Variants in LRCH2 observed in about 807,000 individuals in gnomAD.
The protein encoded by LRCH2 is leucine rich repeats and calponin homology domain containing 2.
A neutral mutation model predicts 68.9 loss-of-function variants in LRCH2; 38 were observed. The ratio of observed to expected loss-of-function variants is 0.55; its 90% CI spans 0.43 to 0.72. LRCH2 has a LOEUF of 0.72. Ranked by LOEUF, LRCH2 falls within the 30% of genes least tolerant of loss-of-function variation. The pLI is 0.00. For missense variants in LRCH2, 528 were observed against 572.9 expected (o/e 0.92, Z 0.80); for synonymous variants, 191 against 208.1 (o/e 0.92, Z 0.71).
intron 1 of LRCH2, among the ~76,000 whole-genome samples, chrX:115,224,335 T>C (rs1336816231): frequency 4.5e-5 from 5 of 111,187 alleles, no homozygotes; most frequent in Admixed American, 9.6e-5. Flanking sequence ...CAATCAACAA[T>C]ATACTTTAAA....
At chrX:115,169,594 C>A (rs1286349740) in intron 6 of LRCH2, among the ~76,000 whole-genome samples, 2 of 111,309 alleles carry the variant, frequency 1.8e-5, no homozygotes, top group Non-Finnish European at 3.8e-5. Context: ...CCATTCAAAG[C>A]AATATAAAAT....
At chrX:115,165,277 T>C (rs1379459184) in intron 10 of LRCH2, 128 bp downstream of exon 10, 1 of 451,886 alleles carries the variant, frequency 2.2e-6, no homozygotes, top group Non-Finnish European at 3.7e-6. Context: ...TATTTATAAA[T>C]TAACTATCTA....
At chrX:115,202,730 C>T (rs1401740045) in intron 1 of LRCH2, among the ~76,000 whole-genome samples, 1 of 111,747 alleles carries the variant, frequency 8.9e-6, no homozygotes, top group Non-Finnish European at 1.9e-5. Context: ...ATGCATCTTT[C>T]AATAGGTTAA....
rs782460142 is a variant in LRCH2, at chrX:115,192,221, G to A, written c.350-3851C>T. ...CGCTCGCCCAATGCCTACGGCGGGGGCCGCGGCCTCAACAGTTCCAACAAC... is the reference window on the plus strand; with the variant it reads ...CGCTCGCCCAATGCCTACGGCGGGGACCGCGGCCTCAACAGTTCCAACAAC... On this transcript the variant is annotated intron_variant, in intron 1 of 20. Coordinates refer to ENST00000317135, the MANE Select transcript of LRCH2 (RefSeq NM_020871.4). 8.4e-5 allele frequency: 98 copies of A among 1,162,233 alleles called. No individual in the cohort carries two copies. In the South Asian group the frequency reaches 1.6e-3, roughly 19 times the overall value.
chrX:115,186,042 AATCAATTTATTTTCTTCCCTTAAAAAGC>A (rs2072728649), intron 2 of LRCH2, among the ~76,000 whole-genome samples: 1 of 112,433 alleles, frequency 8.9e-6, no homozygotes, highest in Non-Finnish European at 1.9e-5. Context: ...ATAGCTTAAA[AATCAATTTATTTTCTTCCCTTAAAAAGC>A]ATATTCAGGC....
chrX:115,209,366 C>T (rs1050183859), intron 1 of LRCH2, among the ~76,000 whole-genome samples: 2 of 111,702 alleles, frequency 1.8e-5, no homozygotes, highest in African/African-American at 6.5e-5. Flanking sequence ...CCATGCTTTT[C>T]TCATGATAGT....
chrX:115,126,728 TA>T (rs1369170819), intron 16 of LRCH2, 114 bp downstream of exon 16: 3 of 509,254 alleles, frequency 5.9e-6, no homozygotes, highest in Non-Finnish European at 9.2e-6. Flanking sequence ...TATGAGTGAA[TA>T]AATTATATTG....
chrX:115,210,725 C>G (rs2073001294), intron 1 of LRCH2, among the ~76,000 whole-genome samples: 1 of 111,430 alleles, frequency 9.0e-6, no homozygotes, highest in African/African-American at 3.3e-5. Context: ...TCAGTGCCAG[C>G]TTATGAAAGC....
intron 15 of LRCH2, among the ~76,000 whole-genome samples, chrX:115,127,713 G>A (rs1377485616): frequency 4.5e-5 from 5 of 111,206 alleles, no homozygotes; most frequent in African/African-American, 1.6e-4. Context: ...AAAAAACTGA[G>A]TGTCTACCAG....
intron 3 of LRCH2, among the ~76,000 whole-genome samples, chrX:115,181,944 T>C (rs1446182093): frequency 2.7e-5 from 3 of 111,761 alleles, no homozygotes; most frequent in African/African-American, 6.5e-5. Context: ...ATATTAACTT[T>C]TTTTTCTTGT....
intron 14 of LRCH2, among the ~76,000 whole-genome samples, chrX:115,143,235 C>T (rs1179111287): frequency 9.0e-6 from 1 of 111,133 alleles, no homozygotes; most frequent in Non-Finnish European, 1.9e-5. Context: ...ATTGACAAAC[C>T]TTTAGTCAGA....
At chrX:115,202,597 A>T (rs1351314110) in intron 1 of LRCH2, among the ~76,000 whole-genome samples, 3 of 112,432 alleles carry the variant, frequency 2.7e-5, no homozygotes, top group Admixed American at 9.4e-5. Context: ...TATGGTCTTA[A>T]TTCAGCAATT....
At chrX:115,218,529 G>A (rs2073056844) in intron 1 of LRCH2, among the ~76,000 whole-genome samples, 1 of 112,596 alleles carries the variant, frequency 8.9e-6, no homozygotes, top group Non-Finnish European at 1.9e-5. Flanking sequence ...TCAGACTTTT[G>A]CATAGGCGTA....
intron 1 of LRCH2, among the ~76,000 whole-genome samples, chrX:115,196,498 C>A (rs2072888541): frequency 9.0e-6 from 1 of 111,438 alleles, no homozygotes; most frequent in African/African-American, 3.3e-5. Context: ...ACCCTCCTAA[C>A]CCTATGCCAA....
intron 14 of LRCH2, among the ~76,000 whole-genome samples, chrX:115,146,729 C>T (rs2072385712): frequency 9.1e-6 from 1 of 109,808 alleles, no homozygotes; most frequent in Admixed American, 9.8e-5. Context: ...GTCAATGTAA[C>T]TTTCCTACCA....
At chrX:115,140,672 G>A (rs1291920041) in intron 14 of LRCH2, among the ~76,000 whole-genome samples, 5 of 110,965 alleles carry the variant, frequency 4.5e-5, no homozygotes, top group Non-Finnish European at 7.5e-5. Flanking sequence ...AGAGCCCTTG[G>A]GCTTTAACAG....
intron 1 of LRCH2, chrX:115,190,531 A>G (rs1556557380): frequency 1.7e-6 from 2 of 1,157,570 alleles, no homozygotes; most frequent in Non-Finnish European, 1.2e-6. Context: ...CCACTCGCCC[A>G]AAGCCTATAG....
At chrX:115,123,349 T>C (rs186761579) in intron 17 of LRCH2, among the ~76,000 whole-genome samples, 157 bp from the exon 18 acceptor site, 1 of 112,225 alleles carries the variant, frequency 8.9e-6, no homozygotes, top group East Asian at 2.8e-4. Context: ...TTGAACTCTA[T>C]TTATGTGCAT....
intron 20 of LRCH2, among the ~76,000 whole-genome samples, chrX:115,121,534 C>T (rs1556526026): frequency 2.7e-5 from 3 of 111,242 alleles, no homozygotes; most frequent in African/African-American, 9.8e-5. Context: ...GCCTGTAGTC[C>T]CAGCTACTTG....
Sources: allele counts gnomAD v4.1 joint callset (sites outside exome capture counted in the v4.1 genomes callset), GRCh38; gene constraint gnomAD v4.1.1; transcripts MANE v1.5; gene names NCBI Gene and HGNC (gene_info 2026-07-23, HGNC 2026-07-21).